The following GPHN variants were observed in gnomAD, a reference collection of about 807,000 sequenced individuals.
GPHN encodes gephyrin.
In GPHN, 17 loss-of-function variants were observed where a neutral mutation model predicts 95.5. That is an observed-to-expected ratio of 0.18 (90% confidence interval 0.12 to 0.27). The LOEUF is 0.27. GPHN is among the 10% of genes least tolerant of loss of function. GPHN has a pLI of 1.00. For synonymous variants in GPHN, 320 were observed against 322.5 expected, an observed-to-expected ratio of 0.99 and a Z score of 0.08; for missense variants, 660 against 978.1, an observed-to-expected ratio of 0.67 and a Z score of 4.34.
chr14:66,851,664 G>A (rs962718887), intron 4 of GPHN, among the ~76,000 whole-genome samples: 1 of 152,114 alleles, frequency 6.6e-6, no homozygotes. Context: ...GCAAGAGAGA[G>A]CTGGGAAAAG....
chr14:67,572,889 G>A, the GPHN span, among the ~76,000 whole-genome samples: 1 of 152,274 alleles, frequency 6.6e-6, no homozygotes, highest in Non-Finnish European at 1.5e-5. Flanking sequence ...CCTGCTCTGT[G>A]CTGCCTGGAA....
chr14:66,845,868 CGT>C (rs2062314717), intron 4 of GPHN, among the ~76,000 whole-genome samples: 1 of 139,308 alleles, frequency 7.2e-6, no homozygotes, highest in African/African-American at 3.0e-5. Context: ...TGTCTGTGTG[CGT>C]GCGCACACGT....
chr14:66,957,109 T>TATA (rs2068564940), intron 8 of GPHN, among the ~76,000 whole-genome samples: 2 of 144,832 alleles, frequency 1.4e-5, no homozygotes, highest in Middle Eastern at 3.5e-3. Context: ...AAACTTAAAG[T>TATA]ATAATAATAA....
downstream of GPHN, among the ~76,000 whole-genome samples, chr14:67,184,123 C>T (rs1341158343): frequency 6.6e-6 from 1 of 152,144 alleles, no homozygotes; most frequent in East Asian, 1.9e-4. Context: ...CCACACTCAG[C>T]CTACAGTCTA....
chr14:67,328,334 A>AT, the GPHN span, among the ~76,000 whole-genome samples: 2 of 151,918 alleles, frequency 1.3e-5, no homozygotes, highest in East Asian at 1.9e-4. Flanking sequence ...GGATTGTTTG[A>AT]TTTTTTCTTG....
At chr14:66,542,603 C>G (rs1206368326) in intron 1 of GPHN, among the ~76,000 whole-genome samples, 2 of 152,202 alleles carry the variant, frequency 1.3e-5, no homozygotes, top group Non-Finnish European at 2.9e-5. Flanking sequence ...GTTCTCCACT[C>G]TCACTCCTAT....
intron 1 of GPHN, among the ~76,000 whole-genome samples, chr14:66,595,511 C>T (rs371112319): frequency 2.6e-5 from 4 of 152,126 alleles, no homozygotes; most frequent in Non-Finnish European, 5.9e-5. Flanking sequence ...GAGCCAGGTA[C>T]GGAGTGGTGA....
the GPHN span, among the ~76,000 whole-genome samples, chr14:67,653,907 T>A: frequency 1.3e-5 from 2 of 152,236 alleles, no homozygotes; most frequent in African/African-American, 2.4e-5. Flanking sequence ...GGTCTGTTAC[T>A]GCTTTTGGGA....
At chr14:66,801,075 G>C (rs1177968610) in intron 3 of GPHN, among the ~76,000 whole-genome samples, 2 of 151,984 alleles carry the variant, frequency 1.3e-5, no homozygotes, top group Non-Finnish European at 2.9e-5. Context: ...AAATTTATCT[G>C]ATAGAAGTCT....
At chr14:67,613,709 A>G in the GPHN span, 1 of 218,500 alleles carries the variant, frequency 4.6e-6, no homozygotes, top group South Asian at 8.2e-5. Flanking sequence ...TCATCTAACC[A>G]TTACAGCCTG....
chr14:67,126,094 TAAC>T (rs1483590078), intron 17 of GPHN, among the ~76,000 whole-genome samples: 1 of 152,178 alleles, frequency 6.6e-6, no homozygotes, highest in African/African-American at 2.4e-5. Flanking sequence ...ACCTGAGAAT[TAAC>T]AACTGTATTT....
chr14:67,343,891 T>C, the GPHN span, among the ~76,000 whole-genome samples: 1 of 152,168 alleles, frequency 6.6e-6, no homozygotes, highest in African/African-American at 2.4e-5. Flanking sequence ...CTTGTGAGAT[T>C]TCCATAGGGC....
chr14:66,749,572 A>G (rs2058291547), intron 2 of GPHN, among the ~76,000 whole-genome samples: 1 of 151,850 alleles, frequency 6.6e-6, no homozygotes, highest in African/African-American at 2.4e-5. Flanking sequence ...TGTTTTATTA[A>G]TTTGCATTTT....
the GPHN span, among the ~76,000 whole-genome samples, chr14:67,511,721 C>T: frequency 2.0e-5 from 3 of 152,192 alleles, no homozygotes; most frequent in African/African-American, 7.2e-5. Flanking sequence ...GCCAGCATCA[C>T]TCTGTGACCT....
intron 17 of GPHN, among the ~76,000 whole-genome samples, chr14:67,134,846 CTT>C (rs2079947139): frequency 6.8e-6 from 1 of 147,172 alleles, no homozygotes; most frequent in African/African-American, 2.5e-5. Context: ...TTCCTTCTTT[CTT>C]TCTCTTTCTC....
chr14:67,567,862 C>T, the GPHN span, among the ~76,000 whole-genome samples: 1 of 152,352 alleles, frequency 6.6e-6, no homozygotes, highest in African/African-American at 2.4e-5. Flanking sequence ...TGGTGACTCA[C>T]GTCACCTTTG....
intron 12 of GPHN, among the ~76,000 whole-genome samples, chr14:67,089,590 G>A (rs1249808881): frequency 1.3e-5 from 2 of 152,086 alleles, no homozygotes; most frequent in Non-Finnish European, 1.5e-5. Flanking sequence ...TAGTGTGAAA[G>A]TTTTCCAGAT....
At chr14:67,710,798 A>T in the GPHN span, among the ~76,000 whole-genome samples, 3 of 152,042 alleles carry the variant, frequency 2.0e-5, no homozygotes, top group East Asian at 5.8e-4. Context: ...TGAAATATCT[A>T]TTATCTAATT....
chr14:67,540,826 C>T, the GPHN span, among the ~76,000 whole-genome samples: 1 of 152,158 alleles, frequency 6.6e-6, no homozygotes. Flanking sequence ...CTCCTGCTTG[C>T]TCTGCCTGTA....
Sources: allele counts gnomAD v4.1 joint callset (sites outside exome capture counted in the v4.1 genomes callset), GRCh38; gene constraint gnomAD v4.1.1; transcripts MANE v1.5; gene names NCBI Gene and HGNC (gene_info 2026-07-23, HGNC 2026-07-21).